BUD23: variants seen among roughly 807,000 people sequenced by gnomAD.
BUD23 encodes the protein BUD23 rRNA methyltransferase and ribosome maturation factor.
BUD23 carries 34 observed loss-of-function variants against 47.0 expected under a neutral mutation model. The ratio of observed to expected loss-of-function variants is 0.72; its 90% CI spans 0.55 to 0.96. BUD23 has a LOEUF of 0.96. Ranked by LOEUF, BUD23 falls within the 40% of genes least tolerant of loss-of-function variation. The pLI, the probability that BUD23 is intolerant of heterozygous loss-of-function variation, is 0.00. For synonymous variants in BUD23, 124 were observed against 132.0 expected (o/e 0.94, Z 0.41); for missense variants, 343 against 361.2 (o/e 0.95, Z 0.41).
chr7:73,684,275 T>TAATCTCAGC (rs1554612404), intron 2 of BUD23, among the ~76,000 whole-genome samples: 1 of 151,978 alleles, frequency 6.6e-6, no homozygotes, highest in Admixed American at 6.6e-5. Flanking sequence ...CTCACGCGTG[T>TAATCTCAGC]AATCTCAGCA....
chr7:73,692,488 A>T, intron 6 of BUD23, 108 bp from the exon 7 acceptor site: 1 of 1,105,774 alleles, frequency 9.0e-7, no homozygotes, highest in Non-Finnish European at 1.3e-6. Flanking sequence ...AATGCCTCAC[A>T]CATAATGGAA....
intron 10 of BUD23, 89 bp from the exon 11 acceptor site, chr7:73,697,516 G>T: frequency 6.2e-7 from 1 of 1,602,794 alleles, no homozygotes; most frequent in Non-Finnish European, 8.5e-7. Context: ...CAGACTCGGA[G>T]GTAAGCTTGC....
chr7:73,683,622 G>A lies in BUD23; in HGVS notation c.-4G>A, dbSNP rs781844801. 29 of 1,608,754 alleles carry A rather than the reference G, an allele frequency of 1.8e-5. No homozygotes were observed. In the East Asian group the frequency reaches 2.0e-4, roughly 11 times the overall value. On this transcript the variant is annotated 5_prime_UTR_variant, in exon 1 of 12. Transcript: ENST00000265758. ...AGTCGCAGGTGTGCTGCTGAGGCGT[G>A]AGAATGGCGTCCCGCGGCCGGCGTC...
intron 2 of BUD23, among the ~76,000 whole-genome samples, chr7:73,684,603 T>TAAA (rs75702804): frequency 1.6e-5 from 1 of 63,858 alleles, no homozygotes; most frequent in East Asian, 4.0e-4. Flanking sequence ...CTCGAGTCGT[T>TAAA]AAAAAAAAAA....
chr7:73,686,560 T>G lies in BUD23; in HGVS notation c.87-76T>G, dbSNP rs1480016627. ...TGTTTTTAACTTGGCTTTTTTTTGT[T>G]TTTTGTTTTTTGGTCTGGGGGAAGT... On this transcript the variant is annotated intron_variant, in intron 2 of 11. Transcript: ENST00000265758. 4.4e-6 allele frequency: 6 copies of G among 1,348,612 alleles called. No homozygotes were observed. The African/African-American group carries it at 8.8e-5, about 20-fold the overall frequency. The allele number at this position is 1,348,612 out of a possible 1,614,324, so 83.5% of individuals were successfully genotyped here.
intron 9 of BUD23, 42 bp downstream of exon 9, chr7:73,693,711 C>T (rs781920639): frequency 1.2e-6 from 2 of 1,612,434 alleles, no homozygotes; most frequent in South Asian, 2.2e-5. Flanking sequence ...TGTCTTTTGA[C>T]TTCCAGGCAG....
intron 10 of BUD23, chr7:73,697,148 C>A: frequency 2.5e-6 from 1 of 400,778 alleles, no homozygotes; most frequent in Non-Finnish European, 4.6e-6. Flanking sequence ...CTTCTTCCCT[C>A]ATACCCCTCA....
intron 6 of BUD23, 85 bp downstream of exon 6, chr7:73,691,097 C>A: frequency 8.2e-7 from 1 of 1,223,856 alleles, no homozygotes; most frequent in Non-Finnish European, 1.2e-6. Context: ...TGAGGTGTCC[C>A]ATGATGGGTA....
chr7:73,691,016 A>C lies in BUD23; in HGVS notation c.459+4A>C, dbSNP rs782137191. Reference sequence around the variant, plus strand: ...TGCTTCTCTTTTTTCTGTTCTCGTGAGTATAAGATCTTCTCCCCATCTGGG... The same window carrying C: ...TGCTTCTCTTTTTTCTGTTCTCGTGCGTATAAGATCTTCTCCCCATCTGGG... On this transcript the variant is annotated splice_donor_region_variant and intron_variant, in intron 6 of 11. Transcript: ENST00000265758. 2.5e-6 allele frequency: 4 copies of C among 1,613,510 alleles called. No individual in the cohort carries two copies. The highest frequency in any genetic ancestry group is 2.7e-5 in the African/African-American group (2 of 74,848).
intron 2 of BUD23, 113 bp from the exon 3 acceptor site, chr7:73,686,523 C>T (rs1398478242): frequency 2.2e-6 from 2 of 906,262 alleles, no homozygotes; most frequent in Non-Finnish European, 3.5e-6. Flanking sequence ...GATGATTGAT[C>T]CGTTTTTTGT....
chr7:73,693,975 C>T lies in BUD23; in HGVS notation c.643-17C>T, dbSNP rs1315110883. 1.2e-6 allele frequency: 2 copies of T among 1,611,984 alleles called. No homozygotes were observed. The highest frequency in any genetic ancestry group is 1.7e-6 in the Non-Finnish European group (2 of 1,179,466). ...AGAACTCTCCAGGGTGACCTGAGTG[C>T]ACTTTGGTTCCTGCAGGGGCTGAGT... On this transcript the variant is annotated splice_polypyrimidine_tract_variant and intron_variant, in intron 9 of 11. Transcript: ENST00000265758.
chr7:73,697,174 A>C (rs4717804), intron 10 of BUD23: 429,256 of 460,128 alleles, frequency 0.93, 200,415 homozygotes, highest in East Asian at 0.99. Context: ...TCCTTTTCAG[A>C]CCCTCCTTTC....
chr7:73,692,681 TGGG>T (rs782547472), intron 7 of BUD23, 35 bp downstream of exon 7: 2 of 1,599,790 alleles, frequency 1.3e-6, no homozygotes, highest in East Asian at 2.2e-5. Context: ...GCCGGGGAGT[TGGG>T]GGACTCAACA....
At chr7:73,684,943 A>T (rs1797900638) in intron 2 of BUD23, among the ~76,000 whole-genome samples, 1 of 141,512 alleles carries the variant, frequency 7.1e-6, no homozygotes, top group South Asian at 2.2e-4. Context: ...AAAAAAAAAA[A>T]AAAAAAAAAA....
chr7:73,693,491 G>C (rs1798271990), intron 8 of BUD23, 77 bp downstream of exon 8: 13 of 1,600,308 alleles, frequency 8.1e-6, no homozygotes, highest in Non-Finnish European at 1.1e-5. Flanking sequence ...GCCACTCAGT[G>C]GTGCAGAGGA....
intron 10 of BUD23, 155 bp downstream of exon 10, chr7:73,694,205 C>A (rs1282402190): frequency 1.3e-6 from 1 of 786,098 alleles, no homozygotes. Flanking sequence ...TTGGACTGTG[C>A]CTGTTTGGGG....
At chr7:73,691,457 C>G (rs1026609189) in intron 6 of BUD23, among the ~76,000 whole-genome samples, 12 of 152,150 alleles carry the variant, frequency 7.9e-5, no homozygotes, top group African/African-American at 2.7e-4. Context: ...AGTGCTGATC[C>G]TTTTCTTCGG....
In BUD23 at chr7:73,697,663, GAGA is replaced by G. The variant is rs1246062269; in HGVS notation, c.766_768del (p.Lys256del). 5.0e-6 allele frequency: 8 copies of G among 1,613,600 alleles called. No individual in the cohort carries two copies. The highest frequency in any genetic ancestry group is 4.0e-5 in the African/African-American group (3 of 74,926). ...GAGGAAGAGTCGGGCATGGGTGCTG[GAGA>G]AGAAGGAGCGGCACAGGCGCCAGGG... On this transcript the variant is annotated inframe_deletion, in exon 11 of 12. Transcript: ENST00000265758.
intron 5 of BUD23, 66 bp downstream of exon 5, chr7:73,687,161 T>C (rs542182045): frequency 6.6e-7 from 1 of 1,519,794 alleles, no homozygotes; most frequent in African/African-American, 1.4e-5. Flanking sequence ...ACTTAGGCTC[T>C]AGTGCAGTGT....
Sources: gnomAD v4.1 joint callset for allele counts (sites outside exome capture counted in the v4.1 genomes callset) on GRCh38, gnomAD v4.1.1 for gene constraint, MANE v1.5 for transcripts, NCBI Gene and HGNC (gene_info 2026-07-23, HGNC 2026-07-21) for gene names.